The following GRK3 variants were observed in gnomAD, a reference collection of about 807,000 sequenced individuals.
GRK3 encodes G protein-coupled receptor kinase 3.
In GRK3, 54 loss-of-function variants were observed where a neutral mutation model predicts 95.7. That is an observed-to-expected ratio of 0.56 (90% CI 0.45 to 0.71). The LOEUF (loss-of-function observed/expected upper bound fraction) is 0.71. Ranked by LOEUF, GRK3 falls within the 30% of genes least tolerant of loss-of-function variation. GRK3 has a pLI of 0.00. For missense variants in GRK3, 649 were observed against 851.2 expected (o/e 0.76, Z 2.96); for synonymous variants, 281 against 290.8 (o/e 0.97, Z 0.34).
intron 2 of GRK3, among the ~76,000 whole-genome samples, chr22:25,634,019 C>T (rs945798602): frequency 6.6e-6 from 1 of 151,982 alleles, no homozygotes; most frequent in African/African-American, 2.4e-5. Flanking sequence ...TGCTTTTGTC[C>T]ATTTCATTTT....
intron 2 of GRK3, among the ~76,000 whole-genome samples, chr22:25,626,128 C>T (rs2084626378): frequency 6.6e-6 from 1 of 152,142 alleles, no homozygotes; most frequent in Admixed American, 6.5e-5. Flanking sequence ...GGGGCTGGTC[C>T]CTACATTAGC....
chr22:25,686,195 C>T (rs2085112391), intron 10 of GRK3, among the ~76,000 whole-genome samples: 1 of 150,750 alleles, frequency 6.6e-6, no homozygotes, highest in African/African-American at 2.4e-5. Flanking sequence ...GCACTCCAGT[C>T]TGGGTGACAG....
intron 2 of GRK3, among the ~76,000 whole-genome samples, chr22:25,643,822 A>G (rs2084760480): frequency 6.6e-6 from 1 of 152,216 alleles, no homozygotes; most frequent in Non-Finnish European, 1.5e-5. Context: ...TTCAGTGAAC[A>G]TTTATTGGCC....
At chr22:25,685,587 C>T (rs1238606977) in intron 10 of GRK3, among the ~76,000 whole-genome samples, 1 of 152,116 alleles carries the variant, frequency 6.6e-6, no homozygotes, top group African/African-American at 2.4e-5. Context: ...AATGAAATAC[C>T]TCATAAGAAT....
intron 2 of GRK3, among the ~76,000 whole-genome samples, chr22:25,625,491 C>G (rs1045145278): frequency 1.3e-5 from 2 of 152,140 alleles, no homozygotes; most frequent in Admixed American, 6.5e-5. Context: ...CCAGGCGGAC[C>G]GTGGTCTAGC....
intron 3 of GRK3, among the ~76,000 whole-genome samples, chr22:25,646,893 T>C (rs555414845): frequency 2.1e-4 from 32 of 151,794 alleles, no homozygotes; most frequent in African/African-American, 7.5e-4. Flanking sequence ...TGGTGGTGCA[T>C]GCCTGTAATT....
In GRK3 at chr22:25,724,125, C is replaced by CACACACACACAA. The variant is rs1262204833; in HGVS notation, c.*1686_*1687insAACACACACACA. ...TTCAAATTCTGTTGAAACACACACACACACACACACACACACACACACACA... is the reference window on the plus strand; with the variant it reads ...TTCAAATTCTGTTGAAACACACACACACACACACACAAACACACACACACACACACACACACA... On this transcript the variant is annotated 3_prime_UTR_variant, in exon 21 of 21. Coordinates refer to ENST00000324198, the MANE Select transcript of GRK3 (RefSeq NM_005160.4). 6.6e-6 allele frequency: 1 copy of CACACACACACAA among 151,728 alleles called. No homozygotes were observed. The highest frequency in any genetic ancestry group is 1.5e-5 in the Non-Finnish European group (1 of 68,008). The allele number at this position is 151,728 out of a possible 1,614,324, so 9.4% of individuals were successfully genotyped here. A position where few individuals can be genotyped will look rare whatever the true frequency, so the allele number is the denominator to read the frequency against.
Position 25,565,113 on chromosome 22 carries a change from G to A in GRK3, c.73G>A (p.Ala25Thr). ...CATGGAGAAGAGCAAGGCGACCCCG[G>A]CCGCCCGCGCCAGCAAGAGGATCGT... ...MAMEKSKATP[A>T]ARASKRIVLP... Residue 25 changes from alanine to threonine, a missense_variant, in exon 1 of 21, where the codon GCC (alanine) becomes ACC (threonine). Ala to Thr is a moderately conservative substitution (Grantham distance 58). This residue lies in a region of GRK3 where 206 missense variants were observed against 231.4 expected (regional missense o/e 0.89). Coordinates refer to ENST00000324198, the MANE Select transcript of GRK3 (RefSeq NM_005160.4). 1 of 1,549,864 alleles carries A rather than the reference G, an allele frequency of 6.5e-7. No homozygotes were observed. Among genetic ancestry groups the A allele is most frequent in the East Asian group, 2.6e-5 (1 of 38,062 alleles).
intron 1 of GRK3, among the ~76,000 whole-genome samples, chr22:25,571,839 T>A (rs899437924): frequency 2.6e-5 from 4 of 152,060 alleles, no homozygotes; most frequent in African/African-American, 9.7e-5. Flanking sequence ...CTTCTACACA[T>A]GATACCTTAC....
At chr22:25,674,295 C>G (rs2085008770) in intron 7 of GRK3, 142 bp from the exon 8 acceptor site, 6 of 601,310 alleles carry the variant, frequency 1.0e-5, no homozygotes, top group Middle Eastern at 2.9e-4. Context: ...CATCCTTCAG[C>G]TTAAAGACTC....
chr22:25,685,867 GTTT>G (rs146583867), intron 10 of GRK3, among the ~76,000 whole-genome samples: 1 of 136,770 alleles, frequency 7.3e-6, no homozygotes, highest in Non-Finnish European at 1.6e-5. Flanking sequence ...CACATGCCTA[GTTT>G]TTTTTTTTTT....
rs1374091278 is a variant in GRK3 at position 25,663,580 on chromosome 22, C to G, written c.367-50C>G. The G allele has an allele frequency of 4.0e-6, 5 of 1,237,958 alleles. No homozygotes were observed. The African/African-American group carries it at 6.1e-5, about 15-fold the overall frequency. The allele number at this position is 1,237,958 out of a possible 1,614,324, so 76.7% of individuals were successfully genotyped here. On this transcript the variant is annotated intron_variant, in intron 4 of 20. Transcript: ENST00000324198. ...CTGTTGTGATATTATATAACATACA[C>G]AGATTGGTTACATTTTATTATTTAA...
At chr22:25,700,448 A>G (rs1219152645) in intron 13 of GRK3, among the ~76,000 whole-genome samples, 1 of 152,206 alleles carries the variant, frequency 6.6e-6, no homozygotes, top group Non-Finnish European at 1.5e-5. Flanking sequence ...GAGCCTGGGC[A>G]GTGGCCTAGG....
At chr22:25,692,352 C>G (rs1400825967) in intron 12 of GRK3, among the ~76,000 whole-genome samples, 1 of 152,224 alleles carries the variant, frequency 6.6e-6, no homozygotes, top group Non-Finnish European at 1.5e-5. Flanking sequence ...TTGGGTTCTT[C>G]TTCCTAGTTG....
Position 25,714,200 on chromosome 22 carries a change from A to C in GRK3, c.1492-208A>C, listed in dbSNP as rs3730116. ...ATCCAGGACTGAAAGTGAAGTGCTC[A>C]TCAGTTCTGTTTGTGGATGATGATT... On this transcript the variant is annotated intron_variant, in intron 17 of 20. Coordinates refer to ENST00000324198, the MANE Select transcript of GRK3 (RefSeq NM_005160.4). 5.1e-3 allele frequency among the ~76,000 whole-genome samples: 779 copies of C among 152,338 alleles called. 7 individuals carry two copies. The highest frequency in any genetic ancestry group is 0.018 in the African/African-American group (755 of 41,570).
rs185867627 is a variant in GRK3 at position 25,709,340 on chromosome 22, T to A, written c.1329-558T>A. On this transcript the variant is annotated intron_variant, in intron 15 of 20. Transcript: ENST00000324198. ...GCGTGAGCCACCACACCCGGCTAAT[T>A]TTTTTGTATTTTTAGTAGAGATGGG... Among the ~76,000 whole-genome samples, 9 of 151,544 alleles carry A rather than the reference T, an allele frequency of 5.9e-5. No homozygotes were observed. In the East Asian group the frequency reaches 1.8e-3, roughly 30 times the overall value.
In GRK3 at chr22:25,576,353, G is replaced by A. The variant is rs193194032; in HGVS notation, c.113+11200G>A. Among the ~76,000 whole-genome samples, 36 of 152,320 alleles carry A rather than the reference G, an allele frequency of 2.4e-4. No individual in the cohort carries two copies. The East Asian group carries it at 6.6e-3, about 28-fold the overall frequency. On this transcript the variant is annotated intron_variant, in intron 1 of 20. Transcript: ENST00000324198. ...TGAAATCCCTGACTACAGTGGCTTT[G>A]GGACAAGTCATCTTTCCATATTTTC...
chr22:25,620,926 A>G (rs2084580551), intron 2 of GRK3, among the ~76,000 whole-genome samples: 1 of 152,226 alleles, frequency 6.6e-6, no homozygotes, highest in Non-Finnish European at 1.5e-5. Flanking sequence ...AGAAGACTGG[A>G]ATTTATTAAA....
In GRK3 at chr22:25,640,581, A is replaced by AT. The variant is rs1041738456; in HGVS notation, c.191-4005dup. On this transcript the variant is annotated intron_variant, in intron 2 of 20. Coordinates refer to ENST00000324198, the MANE Select transcript of GRK3 (RefSeq NM_005160.4). The stretch of plus-strand genomic sequence containing the variant: ...CTCCTTGGCAAAACTGAGGACAAGT[A>AT]TTTTTTCTTGCAAGAAAATTTTCAT... Among the ~76,000 whole-genome samples, 40 of 152,102 alleles carry AT rather than the reference A, an allele frequency of 2.6e-4. 1 individual carries two copies. The highest frequency in any genetic ancestry group is 2.6e-3 in the Admixed American group (39 of 15,270).
Sources: gnomAD v4.1 joint callset for allele counts (sites outside exome capture counted in the v4.1 genomes callset) on GRCh38, gnomAD v4.1.1 for gene constraint, gnomAD v4.1.1 regional missense constraint, MANE v1.5 for transcripts, NCBI Gene and HGNC (gene_info 2026-07-23, HGNC 2026-07-21) for gene names.